SGCD: variants seen among roughly 807,000 people sequenced by gnomAD.
SGCD encodes delta-sarcoglycan.
Under a neutral mutation model 36.6 loss-of-function variants are expected in SGCD, and 18 were observed. The ratio of observed to expected loss-of-function variants is 0.49; its 90% CI spans 0.34 to 0.73. The LOEUF is 0.73. SGCD is among the 30% of genes least tolerant of loss of function. The pLI is 0.01. For missense variants in SGCD, 387 were observed against 346.7 expected (o/e 1.12, Z -0.92); for synonymous variants, 133 against 130.6 (o/e 1.02, Z -0.12).
intron 3 of SGCD, among the ~76,000 whole-genome samples, chr5:156,455,071 G>A (rs1561706804): frequency 2.0e-5 from 3 of 152,188 alleles, no homozygotes; most frequent in Non-Finnish European, 4.4e-5. Context: ...AGCACATATT[G>A]AATGGTGACT....
In SGCD at chr5:156,099,311, G is replaced by A. The variant is rs1246774566; in HGVS notation, c.-281-18567G>A. Among the ~76,000 whole-genome samples the A allele has an allele frequency of 2.0e-5, 3 of 152,124 alleles. No individual in the cohort carries two copies. In the East Asian group the frequency reaches 5.8e-4, roughly 29 times the overall value. Reference sequence around the variant, plus strand: ...TAAATGTGTGCTGTACTCTTTGACTGCTTATTTGTTTATGTGTCAGATTCC... The same window carrying A: ...TAAATGTGTGCTGTACTCTTTGACTACTTATTTGTTTATGTGTCAGATTCC... On this transcript the variant is annotated intron_variant, in intron 1 of 9. Coordinates refer to the SGCD transcript ENST00000517913.
the SGCD span, among the ~76,000 whole-genome samples, chr5:155,759,638 G>A: frequency 9.1e-3 from 1,380 of 152,298 alleles, 20 homozygotes; most frequent in African/African-American, 0.032. Flanking sequence ...AGTCAGCAGT[G>A]TGCATATTTC....
chr5:156,695,330 A>G (rs993603662), intron 7 of SGCD, among the ~76,000 whole-genome samples: 1 of 152,142 alleles, frequency 6.6e-6, no homozygotes, highest in Non-Finnish European at 1.5e-5. Flanking sequence ...CATCCAATCA[A>G]TTGAAGGCCT....
the SGCD span, among the ~76,000 whole-genome samples, chr5:155,769,393 G>GA: frequency 1.6e-5 from 2 of 125,980 alleles, no homozygotes; most frequent in Non-Finnish European, 3.5e-5. Flanking sequence ...AAAGAAAAAA[G>GA]AAAAAACCAA....
intron 3 of SGCD, among the ~76,000 whole-genome samples, chr5:156,402,170 A>G (rs1448310172): frequency 6.6e-6 from 1 of 152,186 alleles, no homozygotes; most frequent in African/African-American, 2.4e-5. Context: ...TCATCTATCA[A>G]TGGACATTTA....
chr5:156,640,287 T>C (rs1038067547), intron 6 of SGCD, among the ~76,000 whole-genome samples: 1 of 152,178 alleles, frequency 6.6e-6, no homozygotes. Flanking sequence ...TATATATCTA[T>C]ATATTGCTAT....
chr5:156,324,929 A>T (rs887614882), upstream of SGCD, among the ~76,000 whole-genome samples: 1 of 152,060 alleles, frequency 6.6e-6, no homozygotes, highest in Non-Finnish European at 1.5e-5. Context: ...GTGGGATTTT[A>T]TTTTGCTATT....
intron 1 of SGCD, among the ~76,000 whole-genome samples, chr5:156,055,347 C>A (rs986713119): frequency 8.2e-5 from 12 of 146,200 alleles, no homozygotes; most frequent in African/African-American, 3.0e-4. Context: ...TAAATTGGGT[C>A]TCTTCCAAAG....
intron 3 of SGCD, among the ~76,000 whole-genome samples, chr5:156,424,876 A>C (rs984993015): frequency 4.4e-4 from 67 of 152,120 alleles, no homozygotes; most frequent in Non-Finnish European, 5.9e-5. Context: ...CTCAACAACT[A>C]AGTGTGACAA....
chr5:156,263,822 A>C (rs893235862), intron 3 of SGCD, among the ~76,000 whole-genome samples: 2 of 152,134 alleles, frequency 1.3e-5, no homozygotes, highest in African/African-American at 4.8e-5. Context: ...CTTGTCAATT[A>C]TCCCAGCACC....
chr5:156,372,837 C>T (rs1454585005), intron 3 of SGCD, among the ~76,000 whole-genome samples: 2 of 152,060 alleles, frequency 1.3e-5, no homozygotes, highest in African/African-American at 2.4e-5. Context: ...GTTCTAAATA[C>T]ATGTCTTTCA....
chr5:156,520,434 C>T (rs1363851648), intron 4 of SGCD, among the ~76,000 whole-genome samples: 2 of 152,174 alleles, frequency 1.3e-5, no homozygotes, highest in Admixed American at 1.3e-4. Flanking sequence ...AAAAGGTCCA[C>T]ACTGCCCAAA....
intron 3 of SGCD, among the ~76,000 whole-genome samples, chr5:156,125,846 T>A (rs1762157742): frequency 1.5e-5 from 1 of 65,548 alleles, no homozygotes; most frequent in Non-Finnish European, 3.2e-5. Context: ...TCTTTTATTA[T>A]TATTATTATT....
chr5:156,210,005 G>A (rs1764396019), intron 3 of SGCD, among the ~76,000 whole-genome samples: 1 of 152,140 alleles, frequency 6.6e-6, no homozygotes, highest in Non-Finnish European at 1.5e-5. Flanking sequence ...CCAGTATCAG[G>A]TCATCTCCTG....
At chr5:156,015,253 C>G (rs969751428) in intron 1 of SGCD, among the ~76,000 whole-genome samples, 1 of 152,060 alleles carries the variant, frequency 6.6e-6, no homozygotes, top group Non-Finnish European at 1.5e-5. Flanking sequence ...CAGTATGGAT[C>G]CATGGATTCT....
At chr5:156,533,478 G>A (rs1347011730) in intron 4 of SGCD, among the ~76,000 whole-genome samples, 1 of 152,090 alleles carries the variant, frequency 6.6e-6, no homozygotes, top group Non-Finnish European at 1.5e-5. Flanking sequence ...ATACATTTTT[G>A]TACTACAAAT....
At chr5:155,915,918 C>T (rs1756725012) in intron 1 of SGCD, among the ~76,000 whole-genome samples, 1 of 152,032 alleles carries the variant, frequency 6.6e-6, no homozygotes, top group African/African-American at 2.4e-5. Context: ...GTACGATGTA[C>T]CAAAATTGGT....
In SGCD at chr5:156,061,825, G is replaced by T. The variant is rs963062171; in HGVS notation, c.-281-56053G>T. ...ACAGTTTGGGGACATGTGTTGGAGTGTTCCTCCAAGTTACATTAATATATG... is the reference window on the plus strand; with the variant it reads ...ACAGTTTGGGGACATGTGTTGGAGTTTTCCTCCAAGTTACATTAATATATG... On this transcript the variant is annotated intron_variant, in intron 1 of 9. Coordinates refer to the SGCD transcript ENST00000517913. Among the ~76,000 whole-genome samples, 9 of 142,988 alleles carry T rather than the reference G, an allele frequency of 6.3e-5. No homozygotes were observed. In the Admixed American group the frequency reaches 6.3e-4, roughly 10 times the overall value. 93.8% of individuals were successfully genotyped at this position (142,988 alleles called of 152,430 possible).
chr5:156,609,304 A>G (rs1285969456), intron 6 of SGCD, among the ~76,000 whole-genome samples: 1 of 151,930 alleles, frequency 6.6e-6, no homozygotes, highest in African/African-American at 2.4e-5. Flanking sequence ...TCACTTATGA[A>G]GCTTAGTTTG....
Sources: gnomAD v4.1 joint callset for allele counts (sites outside exome capture counted in the v4.1 genomes callset) on GRCh38, gnomAD v4.1.1 for gene constraint, MANE v1.5 for transcripts, NCBI Gene and HGNC (gene_info 2026-07-23, HGNC 2026-07-21) for gene names.